The following ABCA9 variants were observed in gnomAD, a reference collection of about 807,000 sequenced individuals.
ABCA9 encodes ATP binding cassette subfamily A member 9.
ABCA9 carries 183 observed loss-of-function variants against 205.3 expected under a neutral mutation model. That is an observed-to-expected ratio of 0.89 (90% CI 0.79 to 1.01). The LOEUF (loss-of-function observed/expected upper bound fraction) is 1.01, where lower values mean the gene tolerates loss of function less well. Ranked by LOEUF, ABCA9 falls within the 50% of genes least tolerant of loss-of-function variation. The probability of loss-of-function intolerance (pLI) is 0.00; values close to 1 mark genes in which losing one functional copy is unlikely to be tolerated. For synonymous variants in ABCA9, 651 were observed against 683.3 expected (o/e 0.95, Z 0.74); for missense variants, 1,805 against 1,912.4 (o/e 0.94, Z 1.05).
upstream of ABCA9, among the ~76,000 whole-genome samples, chr17:69,064,330 T>G (rs1343123957): frequency 6.6e-6 from 1 of 152,214 alleles, no homozygotes; most frequent in African/African-American, 2.4e-5. Flanking sequence ...AACCCTCAAA[T>G]GTTAACAAAC....
chr17:69,049,947 C>A (rs1009118261), intron 2 of ABCA9, among the ~76,000 whole-genome samples: 2 of 149,326 alleles, frequency 1.3e-5, no homozygotes, highest in Non-Finnish European at 2.9e-5. Context: ...CATAAAAAAA[C>A]AAAGTTTTTT....
chr17:69,018,074 T>A (rs1202218170), intron 20 of ABCA9: 1 of 380,920 alleles, frequency 2.6e-6, no homozygotes, highest in East Asian at 4.5e-5. Context: ...AGTCTATCTA[T>A]CTTTTTAAAT....
At chr17:69,071,400 G>A in the ABCA9 span, among the ~76,000 whole-genome samples, 224 of 152,278 alleles carry the variant, frequency 1.5e-3, 6 homozygotes, top group East Asian at 0.041. Flanking sequence ...GAAGGAGCAG[G>A]CAGCAATCTT....
intron 25 of ABCA9, among the ~76,000 whole-genome samples, chr17:69,000,618 T>G (rs1237895059): frequency 6.8e-6 from 1 of 147,514 alleles, no homozygotes; most frequent in Non-Finnish European, 1.5e-5. Context: ...GGGCTCTTTT[T>G]TGGTTCCATA....
At position 68,986,256 on chromosome 17, in the gene ABCA9, C is replaced by T. The variant is rs757288590; in HGVS notation, c.4116G>A (p.Ala1372=). 30 of 1,613,938 alleles carry T rather than the reference C, an allele frequency of 1.9e-5. No individual in the cohort carries two copies. The highest frequency in any genetic ancestry group is 6.7e-5 in the Admixed American group (4 of 59,990). ...GFLGYCPQEN[A]LWPNLTVRQH... ...GCCTCACTGTCAGGTTGGGCCACAG[C>T]GCATTCTCCTGAGGGCAGTACCCCA... Residue 1372 remains alanine (A), a synonymous_variant, in exon 32 of 39, where the codon GCG becomes GCA. Transcript: ENST00000340001.
chr17:69,045,400 T>C lies in ABCA9; in HGVS notation c.305-64A>G, dbSNP rs971165684. On this transcript the variant is annotated intron_variant, in intron 3 of 38. Coordinates refer to ENST00000340001, the MANE Select transcript of ABCA9 (RefSeq NM_080283.4). The stretch of plus-strand genomic sequence containing the variant: ...AAAATCTCTACCTGGCCATATTCAA[T>C]TATGTTGAGGTTATTTTATGTTAAA... 175 of 1,480,292 alleles carry C rather than the reference T, an allele frequency of 1.2e-4. 1 individual carries two copies. In the South Asian group the frequency reaches 2.1e-3, roughly 17 times the overall value. 91.7% of individuals were successfully genotyped at this position (1,480,292 alleles called of 1,614,324 possible).
At chr17:68,979,629 A>G (rs575608963) in intron 37 of ABCA9, among the ~76,000 whole-genome samples, 2,714 of 152,136 alleles carry the variant, frequency 0.018, 89 homozygotes, top group African/African-American at 0.06. Context: ...AAATAATGCC[A>G]CATATCTACA....
intron 1 of ABCA9, among the ~76,000 whole-genome samples, chr17:69,055,295 A>G (rs1276022349): frequency 2.0e-5 from 3 of 152,238 alleles, no homozygotes; most frequent in Non-Finnish European, 4.4e-5. Context: ...GATTAAAAGT[A>G]GAGGGATAAA....
At position 68,989,808 on chromosome 17, in the gene ABCA9, C is replaced by T. The variant is rs199543571; in HGVS notation, c.3955+5G>A. 4.1e-5 allele frequency: 63 copies of T among 1,531,126 alleles called. 1 individual carries two copies. The highest frequency in any genetic ancestry group is 8.4e-5 in the Admixed American group (5 of 59,190). 94.8% of individuals were successfully genotyped at this position (1,531,126 alleles called of 1,614,324 possible). The stretch of plus-strand genomic sequence containing the variant: ...TGCTCTACTAATGGAACTACTGTTT[C>T]CAACCTTTTTTAACACAAAAAGAGA... On this transcript the variant is annotated splice_donor_5th_base_variant and intron_variant, in intron 30 of 38. Coordinates refer to ENST00000340001, the MANE Select transcript of ABCA9 (RefSeq NM_080283.4).
intron 1 of ABCA9, among the ~76,000 whole-genome samples, chr17:69,056,269 A>G (rs142699484): frequency 1.3e-5 from 2 of 152,296 alleles, no homozygotes; most frequent in African/African-American, 4.8e-5. Flanking sequence ...GCCTCTACCA[A>G]GACTAACTAA....
At chr17:68,987,557 G>A (rs1350881181) in intron 31 of ABCA9, among the ~76,000 whole-genome samples, 1 of 152,100 alleles carries the variant, frequency 6.6e-6, no homozygotes, top group Non-Finnish European at 1.5e-5. Flanking sequence ...CAACAGAAGG[G>A]CACTCTAGCC....
chr17:68,996,907 A>G lies in ABCA9; in HGVS notation c.3436-893T>C, dbSNP rs1456363353. On this transcript the variant is annotated intron_variant, in intron 25 of 38. Coordinates refer to ENST00000340001, the MANE Select transcript of ABCA9 (RefSeq NM_080283.4). ...ATTATTGTGTTCTGAAATAAATCAT[A>G]CTTGACTATTTTTAAATTATTCTTT... Among the ~76,000 whole-genome samples, 3 of 152,070 alleles carry G rather than the reference A, an allele frequency of 2.0e-5. No homozygotes were observed. The East Asian group carries it at 5.8e-4, about 29-fold the overall frequency.
chr17:69,054,536 A>AG (rs1431734465), intron 1 of ABCA9, among the ~76,000 whole-genome samples: 2 of 151,798 alleles, frequency 1.3e-5, no homozygotes, highest in South Asian at 4.1e-4. Flanking sequence ...CAAAAAAAAA[A>AG]AAAAGAAAAG....
At chr17:69,056,642 G>A (rs1229129173) in intron 1 of ABCA9, among the ~76,000 whole-genome samples, 3 of 152,146 alleles carry the variant, frequency 2.0e-5, no homozygotes, top group Non-Finnish European at 4.4e-5. Context: ...GATGCTAGAA[G>A]CAGAAAATGA....
the ABCA9 span, chr17:69,078,808 T>C: frequency 2.5e-5 from 12 of 478,084 alleles, no homozygotes; most frequent in Non-Finnish European, 4.3e-5. Flanking sequence ...ATCACCCCTA[T>C]GTTTGAGAGG....
the ABCA9 span, among the ~76,000 whole-genome samples, chr17:69,076,670 T>C: frequency 2.6e-5 from 4 of 152,314 alleles, no homozygotes; most frequent in East Asian, 5.8e-4. Context: ...AGATTTTTCA[T>C]TACTGGTTCA....
the ABCA9 span, chr17:69,078,609 T>C: frequency 6.2e-6 from 1 of 161,918 alleles, no homozygotes; most frequent in South Asian, 1.9e-4. Context: ...TGGTGTGAAG[T>C]AGTCATGCAA....
the ABCA9 span, among the ~76,000 whole-genome samples, chr17:69,076,437 A>G: frequency 0.015 from 2,321 of 152,158 alleles, 44 homozygotes; most frequent in African/African-American, 0.052. Context: ...TGCTGAGGAT[A>G]TTTGTATCTA....
chr17:69,004,195 T>C (rs976930860), intron 25 of ABCA9, among the ~76,000 whole-genome samples: 1 of 152,222 alleles, frequency 6.6e-6, no homozygotes, highest in Non-Finnish European at 1.5e-5. Flanking sequence ...AGAGGCGCTC[T>C]GATTTTTAGA....
Sources: gnomAD v4.1 joint callset for allele counts (sites outside exome capture counted in the v4.1 genomes callset) on GRCh38, gnomAD v4.1.1 for gene constraint, MANE v1.5 for transcripts, NCBI Gene and HGNC (gene_info 2026-07-23, HGNC 2026-07-21) for gene names.